The following ZNF548 variants were observed in gnomAD, a reference collection of about 807,000 sequenced individuals.
ZNF548 encodes the protein zinc finger protein 548.
Under a neutral mutation model 10.2 loss-of-function variants are expected in ZNF548, and 10 were observed. That is an observed-to-expected ratio of 0.98 (90% CI 0.60 to 1.66). The LOEUF (loss-of-function observed/expected upper bound fraction) is 1.66, where lower values mean the gene tolerates loss of function less well. Among genes scored for constraint, ZNF548 ranks in the 40% most tolerant of loss-of-function variants. The probability of loss-of-function intolerance (pLI) is 0.00; values close to 1 mark genes in which losing one functional copy is unlikely to be tolerated. For synonymous variants in ZNF548, 217 were observed against 223.5 expected (o/e 0.97, Z 0.26); for missense variants, 599 against 657.0 (o/e 0.91, Z 0.97).
At position 57,390,064 on chromosome 19, in the gene ZNF548, C is replaced by G; in HGVS notation, c.-36C>G. On this transcript the variant is annotated 5_prime_UTR_variant, in exon 1 of 4. Coordinates refer to ENST00000336128, the MANE Select transcript of ZNF548 (RefSeq NM_001172773.2). ...TGTCTTGCCTTTGTCGCTCCCGCCC[C>G]GCTCTTCCCTGGCTGGGCTGGCGGA... is the stretch of plus-strand genomic sequence containing the variant. 2 of 1,607,404 alleles carry G rather than the reference C, an allele frequency of 1.2e-6. No individual in the cohort carries two copies. The highest frequency in any genetic ancestry group is 1.7e-6 in the Non-Finnish European group (2 of 1,178,684).
At position 57,398,925 on chromosome 19, in the gene ZNF548, T is replaced by C. The variant is rs956209760; in HGVS notation, c.674T>C (p.Val225Ala). The C allele has an allele frequency of 6.2e-7, 1 of 1,614,086 alleles. No homozygotes were observed. Among genetic ancestry groups the C allele is most frequent in the Non-Finnish European group, 8.5e-7 (1 of 1,179,952 alleles). The change falls in exon 4 of 4, where the codon GTT becomes GCT. Residue 225 changes from valine (V) to alanine (A), a missense_variant. Transcript: ENST00000336128. ...GKTFTCSYSF[V>A]EHQKIHTGER... ...ACCTTCACCTGCAGCTATTCATTTG[T>C]TGAGCACCAGAAAATCCACACAGGA...
chr19:57,401,356 A>G lies in ZNF548; in HGVS notation c.*1467A>G, dbSNP rs1437546589. On this transcript the variant is annotated 3_prime_UTR_variant, in exon 4 of 4. Transcript: ENST00000336128. ...GGTAGTTGCATCTGTACTAAACATG[A>G]ACAGACATTTTTTCTTGTCATTATT... 1 of 152,246 alleles carries G rather than the reference A, an allele frequency of 6.6e-6. No homozygotes were observed. Among genetic ancestry groups the G allele is most frequent in the Non-Finnish European group, 1.5e-5 (1 of 68,042 alleles). The allele number at this position is 152,246 out of a possible 1,614,324, so 9.4% of individuals were successfully genotyped here.
chr19:57,397,005 T>A, intron 2 of ZNF548, 43 bp from the exon 3 acceptor site: 1 of 1,573,958 alleles, frequency 6.4e-7, no homozygotes, highest in African/African-American at 1.4e-5. Flanking sequence ...AAATACAGCT[T>A]GAAAAGAAGC....
At position 57,399,239 on chromosome 19, in the gene ZNF548, T is replaced by C. The variant is rs543866317; in HGVS notation, c.988T>C (p.Phe330Leu). The change falls in exon 4 of 4, where the codon TTT becomes CTT. Residue 330 changes from phenylalanine (F) to leucine (L), a missense_variant. By Grantham distance (22) the Phe-to-Leu change is conservative (BLOSUM62 0). Coordinates refer to ENST00000336128, the MANE Select transcript of ZNF548 (RefSeq NM_001172773.2). This position sits in a 1 kb window ranked among gnomAD's most constrained non-coding sequence, Gnocchi z 4.0. The part of the protein sequence containing the change: ...PYECRECGKF[F>L]MDSSTLIKHQ... ...TGAGTGCAGGGAATGTGGGAAATTC[T>C]TTATGGACAGCTCCACACTCATTAA... 2 of 1,614,150 alleles carry C rather than the reference T, an allele frequency of 1.2e-6. No homozygotes were observed. Among genetic ancestry groups the C allele is most frequent in the South Asian group, 1.1e-5 (1 of 91,080 alleles).
chr19:57,392,640 C>A, intron 1 of ZNF548: 1 of 315,706 alleles, frequency 3.2e-6, no homozygotes, highest in Middle Eastern at 1.6e-3. Flanking sequence ...TTCCATTGAT[C>A]TATGTGTCTA....
At chr19:57,391,795 T>C (rs1208948424) in intron 1 of ZNF548, among the ~76,000 whole-genome samples, 1 of 144,078 alleles carries the variant, frequency 6.9e-6, no homozygotes, top group Admixed American at 6.9e-5. Flanking sequence ...TACTGTTTTT[T>C]TTTTTTTTTT....
rs756418863 is a variant in ZNF548 at position 57,402,955 on chromosome 19, G to A, written c.*3066G>A. ...CTACCAACTGGCAAAGAGCCATGGT[G>A]TGTAGCATTTTAGTCACATTAAAAT... On this transcript the variant is annotated 3_prime_UTR_variant, in exon 4 of 4. Coordinates refer to ENST00000336128, the MANE Select transcript of ZNF548 (RefSeq NM_001172773.2). The A allele has an allele frequency of 6.6e-6, 1 of 152,214 alleles. No homozygotes were observed. The highest frequency in any genetic ancestry group is 1.5e-5 in the Non-Finnish European group (1 of 68,046). The allele number at this position is 152,214 out of a possible 1,614,324, so 9.4% of individuals were successfully genotyped here. A position where few individuals can be genotyped will look rare whatever the true frequency, so the allele number is the denominator to read the frequency against.
chr19:57,396,831 G>A lies in ZNF548; in HGVS notation c.52-217G>A. 3 of 566,446 alleles carry A rather than the reference G, an allele frequency of 5.3e-6. No individual in the cohort carries two copies. The East Asian group carries it at 9.4e-5, about 18-fold the overall frequency. The allele number at this position is 566,446 out of a possible 1,614,324, so 35.1% of individuals were successfully genotyped here. A position where few individuals can be genotyped will look rare whatever the true frequency, so the allele number is the denominator to read the frequency against. On this transcript the variant is annotated intron_variant, in intron 2 of 3. Coordinates refer to ENST00000336128, the MANE Select transcript of ZNF548 (RefSeq NM_001172773.2). ...ACCTGGGCTATTGGGACTGTCCCTAGTTTTGCAGTACCTGGCCCTGGGTTG... is the reference window on the plus strand; with the variant it reads ...ACCTGGGCTATTGGGACTGTCCCTAATTTTGCAGTACCTGGCCCTGGGTTG...
Position 57,389,989 on chromosome 19 carries a change from G to GGA in ZNF548, c.-107_-106dup. On this transcript the variant is annotated 5_prime_UTR_variant, in exon 1 of 4. It removes the in-frame stop codon of an upstream open reading frame in the 5' UTR. Transcript: ENST00000336128. ...CGAGAAGCGGCTCGGTTCCCACCACGGAGAGGCGGGAGTGAGTCAACTGAC... is the reference window on the plus strand; with the variant it reads ...CGAGAAGCGGCTCGGTTCCCACCACGGAGAGAGGCGGGAGTGAGTCAACTGAC... The GGA allele has an allele frequency of 7.7e-7, 1 of 1,306,050 alleles. No individual in the cohort carries two copies. Among genetic ancestry groups the GGA allele is most frequent in the Non-Finnish European group, 1.0e-6 (1 of 972,620 alleles). The allele number at this position is 1,306,050 out of a possible 1,614,324, so 80.9% of individuals were successfully genotyped here.
chr19:57,398,692 T>C lies in ZNF548; in HGVS notation c.441T>C (p.Asp147=), dbSNP rs988310120. The C allele has an allele frequency of 1.2e-6, 2 of 1,614,030 alleles. No homozygotes were observed. The highest frequency in any genetic ancestry group is 1.7e-5 in the Admixed American group (1 of 60,004). ...QIGENLSRGD[D]WIPSFGKNHR... is the part of the protein sequence containing the mutation. ...GAGAAAATCTTTCCAGAGGGGATGA[T>C]TGGATACCTTCATTTGGGAAGAACC... The change falls in exon 4 of 4, where the codon GAT becomes GAC. Residue 147 remains aspartate (D), a synonymous_variant. Transcript: ENST00000336128.
chr19:57,393,434 G>T (rs747314680), intron 1 of ZNF548, among the ~76,000 whole-genome samples: 3 of 151,870 alleles, frequency 2.0e-5, no homozygotes, highest in Non-Finnish European at 2.9e-5. Flanking sequence ...GCCGAGGTGG[G>T]TGGATCACCT....
intron 2 of ZNF548, among the ~76,000 whole-genome samples, chr19:57,394,585 G>A (rs531708844): frequency 6.6e-6 from 1 of 152,186 alleles, no homozygotes; most frequent in African/African-American, 2.4e-5. Flanking sequence ...GACAGCCTAG[G>A]TCCTGGGTCT....
In ZNF548 at chr19:57,402,111, A is replaced by C. The variant is rs1016496962; in HGVS notation, c.*2222A>C. 2.6e-5 allele frequency: 4 copies of C among 152,182 alleles called. No individual in the cohort carries two copies. Among genetic ancestry groups the C allele is most frequent in the Non-Finnish European group, 5.9e-5 (4 of 68,026 alleles). 9.4% of individuals were successfully genotyped at this position (152,182 alleles called of 1,614,324 possible). On this transcript the variant is annotated 3_prime_UTR_variant, in exon 4 of 4. Coordinates refer to ENST00000336128, the MANE Select transcript of ZNF548 (RefSeq NM_001172773.2). ...ATGGTTTAAGGCAAAAGTCCACTTT[A>C]TGTGGCTATCCAGTTTTCCAAGCAC...
At chr19:57,390,419 T>A in intron 1 of ZNF548, 1 of 344,424 alleles carries the variant, frequency 2.9e-6, no homozygotes. Flanking sequence ...CATGGAAGGT[T>A]GTCAAGGGAG....
intron 1 of ZNF548, chr19:57,392,743 G>A: frequency 1.0e-6 from 1 of 983,940 alleles, no homozygotes; most frequent in Non-Finnish European, 1.2e-6. Context: ...ACAACTTGTA[G>A]TATAATTTGA....
intron 3 of ZNF548, among the ~76,000 whole-genome samples, chr19:57,397,990 T>A (rs1044935095): frequency 6.6e-6 from 1 of 152,338 alleles, no homozygotes; most frequent in East Asian, 1.9e-4. Context: ...ACCATTCTTT[T>A]CCACTGCTCC....
In ZNF548 at chr19:57,402,345, T is replaced by C. The variant is rs777037524; in HGVS notation, c.*2456T>C. On this transcript the variant is annotated 3_prime_UTR_variant, in exon 4 of 4. Coordinates refer to ENST00000336128, the MANE Select transcript of ZNF548 (RefSeq NM_001172773.2). The stretch of plus-strand genomic sequence containing the variant: ...AGTGGGCTTTCACACTCCAGACTGC[T>C]GTATTCCAGCCCAAATTACTCAAAT... 4.6e-5 allele frequency: 7 copies of C among 152,208 alleles called. No homozygotes were observed. The highest frequency in any genetic ancestry group is 1.0e-4 in the Non-Finnish European group (7 of 68,036). The allele number at this position is 152,208 out of a possible 1,614,324, so 9.4% of individuals were successfully genotyped here. A position where few individuals can be genotyped will look rare whatever the true frequency, so the allele number is the denominator to read the frequency against.
In ZNF548 at chr19:57,395,563, G is replaced by C. The variant is rs1472744227; in HGVS notation, c.51+1340G>C. 6.6e-6 allele frequency among the ~76,000 whole-genome samples: 1 copy of C among 152,076 alleles called. No homozygotes were observed. Among genetic ancestry groups the C allele is most frequent in the Non-Finnish European group, 1.5e-5 (1 of 68,022 alleles). On this transcript the variant is annotated intron_variant, in intron 2 of 3. Transcript: ENST00000336128. This position sits in a 1 kb window ranked among gnomAD's most constrained non-coding sequence, Gnocchi z 4.8. Reference sequence around the variant, plus strand: ...CACATCTTCCCATGATGGAGCAGGAGAGAGGGAGAGAATGAAGGGGGAAGA... The same window carrying C: ...CACATCTTCCCATGATGGAGCAGGACAGAGGGAGAGAATGAAGGGGGAAGA...
intron 1 of ZNF548, 37 bp from the exon 2 acceptor site, chr19:57,394,151 T>C (rs1600085654): frequency 6.3e-7 from 1 of 1,593,822 alleles, no homozygotes; most frequent in Non-Finnish European, 8.5e-7. Context: ...GATCCTTCCA[T>C]GGCTGTCAAT....
Sources: allele counts gnomAD v4.1 joint callset (sites outside exome capture counted in the v4.1 genomes callset), GRCh38; gene constraint gnomAD v4.1.1; non-coding constraint Gnocchi (gnomAD v3.1); transcripts MANE v1.5; gene names NCBI Gene and HGNC (gene_info 2026-07-23, HGNC 2026-07-21).